The following LRRFIP2 variants were observed in gnomAD, a reference collection of about 807,000 sequenced individuals.
LRRFIP2 encodes leucine-rich repeat flightless-interacting protein 2.
In LRRFIP2, 109 loss-of-function variants were observed where a neutral mutation model predicts 125.9. The observed-to-expected ratio is 0.87, with a 90% CI of 0.74 to 1.01. The LOEUF (loss-of-function observed/expected upper bound fraction) is 1.01, where lower values mean the gene tolerates loss of function less well. Ranked by LOEUF, LRRFIP2 falls within the 50% of genes least tolerant of loss-of-function variation. LRRFIP2 has a pLI of 0.00. For synonymous variants in LRRFIP2, 291 were observed against 293.1 expected (o/e 0.99, Z 0.07); for missense variants, 850 against 862.3 (o/e 0.99, Z 0.18).
intron 1 of LRRFIP2, among the ~76,000 whole-genome samples, chr3:37,151,225 G>A (rs1179111199): frequency 1.3e-5 from 2 of 152,028 alleles, no homozygotes; most frequent in Non-Finnish European, 2.9e-5. Flanking sequence ...TGGGCGAGGT[G>A]GCACATGTCT....
chr3:37,158,394 G>A, intron 1 of LRRFIP2, among the ~76,000 whole-genome samples: 1 of 151,924 alleles, frequency 6.6e-6, no homozygotes, highest in Admixed American at 6.6e-5. Flanking sequence ...ATCGCTTGAG[G>A]TCAGGAGTTT....
At chr3:37,109,988 T>C (rs534780310) in intron 9 of LRRFIP2, among the ~76,000 whole-genome samples, 2 of 152,270 alleles carry the variant, frequency 1.3e-5, no homozygotes, top group South Asian at 2.1e-4. Flanking sequence ...TGTTAGGATA[T>C]GGAATGGCAA....
At chr3:37,161,366 G>GA (rs532449115) in intron 1 of LRRFIP2, among the ~76,000 whole-genome samples, 375 of 148,212 alleles carry the variant, frequency 2.5e-3, no homozygotes, top group Non-Finnish European at 4.2e-3. Context: ...AAGAAAGAAA[G>GA]AAAAAAAAAG....
chr3:37,123,475 C>T (rs1312222583), intron 4 of LRRFIP2, among the ~76,000 whole-genome samples: 2 of 152,180 alleles, frequency 1.3e-5, no homozygotes, highest in Non-Finnish European at 2.9e-5. Context: ...AGGCATGAGC[C>T]ACCATGCCTG....
chr3:37,108,599 T>C (rs1329706595), intron 12 of LRRFIP2, 38 bp downstream of exon 12: 2 of 1,545,946 alleles, frequency 1.3e-6, no homozygotes, highest in Admixed American at 1.8e-5. Context: ...CCACCCACAT[T>C]TCCCTCCTCT....
At chr3:37,076,508 C>T (rs888986367) in intron 19 of LRRFIP2, among the ~76,000 whole-genome samples, 3 of 149,864 alleles carry the variant, frequency 2.0e-5, no homozygotes, top group African/African-American at 7.4e-5. Flanking sequence ...AGCCTGACGA[C>T]GGAGTGAGAC....
At chr3:37,077,074 A>C (rs538969913) in intron 19 of LRRFIP2, among the ~76,000 whole-genome samples, 3 of 152,344 alleles carry the variant, frequency 2.0e-5, no homozygotes, top group Admixed American at 2.0e-4. Context: ...ATGGGGAAAG[A>C]AATAGGCCCT....
intron 1 of LRRFIP2, among the ~76,000 whole-genome samples, chr3:37,152,249 C>G (rs1424004628): frequency 6.6e-6 from 1 of 152,082 alleles, no homozygotes; most frequent in East Asian, 1.9e-4. Flanking sequence ...TATACAGACA[C>G]AAAGGCATAA....
rs59647339 is a variant in LRRFIP2, at chr3:37,156,673, C to CAAAAAAAAAA, written c.-55-7645_-55-7636dup. Among the ~76,000 whole-genome samples, 9 of 30,586 alleles carry CAAAAAAAAAA rather than the reference C, an allele frequency of 2.9e-4. 1 individual carries two copies. The highest frequency in any genetic ancestry group is 3.9e-4 in the Non-Finnish European group (8 of 20,508). The allele number at this position is 30,586 out of a possible 152,430, so 20.1% of individuals were successfully genotyped here. A position where few individuals can be genotyped will look rare whatever the true frequency, so the allele number is the denominator to read the frequency against. On this transcript the variant is annotated intron_variant, in intron 1 of 27. Transcript: ENST00000336686. The stretch of plus-strand genomic sequence containing the variant: ...TGGGCGACAGAGCGAGACTCAGTAT[C>CAAAAAAAAAA]AAAAAAAAAAAAAAAAAAAAAAAAA...
At chr3:37,145,863 C>G (rs552388282) in intron 2 of LRRFIP2, among the ~76,000 whole-genome samples, 1 of 152,276 alleles carries the variant, frequency 6.6e-6, no homozygotes, top group Admixed American at 6.5e-5. Context: ...TTCCTAGCTA[C>G]GTAACCTTGG....
At position 37,058,881 on chromosome 3, in the gene LRRFIP2, C is replaced by T; in HGVS notation, c.1779G>A (p.Glu593=). The T allele has an allele frequency of 1.2e-6, 2 of 1,613,978 alleles. No individual in the cohort carries two copies. Among genetic ancestry groups the T allele is most frequent in the Non-Finnish European group, 1.7e-6 (2 of 1,179,964 alleles). The change falls in exon 25 of 28, where the codon GAG becomes GAA. Residue 593 remains glutamate (E), a synonymous_variant. Coordinates refer to ENST00000336686, the MANE Select transcript of LRRFIP2 (RefSeq NM_006309.4). ...QIRKLKLQLE[E]ERQKCSRNDG... ...CATTCCTGGAGCATTTCTGTCGTTC[C>T]TCCTCTAACTGAAGCTTCAGTTTTC...
At chr3:37,169,262 AAC>A (rs1383613945) in intron 1 of LRRFIP2, among the ~76,000 whole-genome samples, 11 of 152,226 alleles carry the variant, frequency 7.2e-5, no homozygotes, top group African/African-American at 2.7e-4. Flanking sequence ...AAAAAAGGTC[AAC>A]AGAGTAAATT....
At chr3:37,054,618 T>TA in intron 26 of LRRFIP2, 103 bp from the exon 27 acceptor site, 3 of 760,830 alleles carry the variant, frequency 3.9e-6, no homozygotes, top group Non-Finnish European at 6.8e-6. Context: ...CCAAGTAATC[T>TA]ACTAACAAGT....
At chr3:37,150,323 A>G (rs1353178375) in intron 1 of LRRFIP2, among the ~76,000 whole-genome samples, 1 of 152,100 alleles carries the variant, frequency 6.6e-6, no homozygotes, top group Admixed American at 6.5e-5. Context: ...TTAGCAGGAC[A>G]TGGTGGTGCA....
chr3:37,074,928 T>C (rs2091810793), intron 20 of LRRFIP2, 96 bp downstream of exon 20: 1 of 780,118 alleles, frequency 1.3e-6, no homozygotes, highest in African/African-American at 1.7e-5. Context: ...AGACAAACTC[T>C]GATGCATCTT....
At chr3:37,090,667 C>A (rs1398385078) in intron 18 of LRRFIP2, among the ~76,000 whole-genome samples, 1 of 152,278 alleles carries the variant, frequency 6.6e-6, no homozygotes, top group African/African-American at 2.4e-5. Flanking sequence ...TATGTACAAC[C>A]AAACTGTCTG....
At chr3:37,136,495 T>C (rs1051590286) in intron 2 of LRRFIP2, among the ~76,000 whole-genome samples, 1 of 152,168 alleles carries the variant, frequency 6.6e-6, no homozygotes, top group Admixed American at 6.5e-5. Context: ...CAAAAATGCC[T>C]AAGCTAAATA....
chr3:37,093,282 G>A (rs1011363971), intron 17 of LRRFIP2: 2 of 152,834 alleles, frequency 1.3e-5, no homozygotes, highest in African/African-American at 4.8e-5. Context: ...CCCCTCCAGT[G>A]AAGAGGGGAC....
chr3:37,119,625 T>C (rs930444157), intron 6 of LRRFIP2, among the ~76,000 whole-genome samples: 1 of 152,204 alleles, frequency 6.6e-6, no homozygotes, highest in African/African-American at 2.4e-5. Flanking sequence ...AAAGCTTTTA[T>C]TGACTGACTC....
Sources: gnomAD v4.1 joint callset for allele counts (sites outside exome capture counted in the v4.1 genomes callset) on GRCh38, gnomAD v4.1.1 for gene constraint, MANE v1.5 for transcripts, NCBI Gene and HGNC (gene_info 2026-07-23, HGNC 2026-07-21) for gene names.